Variants in HELZ observed in about 807,000 individuals in gnomAD.
The protein encoded by HELZ is ATP-dependent RNA helicase with zinc finger domain.
HELZ carries 23 observed loss-of-function variants against 218.2 expected under a neutral mutation model. The observed-to-expected ratio is 0.11, with a 90% CI of 0.08 to 0.15. The LOEUF is 0.15. HELZ is among the 10% of genes least tolerant of loss of function. The probability of loss-of-function intolerance (pLI) is 1.00; values close to 1 mark genes in which losing one functional copy is unlikely to be tolerated. For missense variants in HELZ, 1,813 were observed against 2,353.7 expected (o/e 0.77, Z 4.75); for synonymous variants, 814 against 829.4 (o/e 0.98, Z 0.32).
In HELZ at chr17:67,195,852, C is replaced by CTTT. The variant is rs1238942016; in HGVS notation, c.430-385_430-383dup. Among the ~76,000 whole-genome samples the CTTT allele has an allele frequency of 4.8e-3, 404 of 84,850 alleles. 4 individuals carry two copies. Among genetic ancestry groups the CTTT allele is most frequent in the Non-Finnish European group, 8.4e-3 (359 of 42,706 alleles). The allele number at this position is 84,850 out of a possible 152,430, so 55.7% of individuals were successfully genotyped here. The stretch of plus-strand genomic sequence containing the variant: ...GGTTTCTTTTCCTTTTTTTTTTTTT[C>CTTT]TTTTTTTTTTTTTTTTTGGGACAAA... On this transcript the variant is annotated intron_variant, in intron 7 of 32. Transcript: ENST00000358691.
chr17:67,206,598 C>CTTT (rs60076524), intron 5 of HELZ, among the ~76,000 whole-genome samples: 3 of 137,832 alleles, frequency 2.2e-5, no homozygotes, highest in African/African-American at 2.7e-5. Context: ...CATATTAGGA[C>CTTT]TTTTTTTTTT....
At chr17:67,119,610 T>C (rs1314878293) in intron 27 of HELZ, among the ~76,000 whole-genome samples, 1 of 152,240 alleles carries the variant, frequency 6.6e-6, no homozygotes, top group Non-Finnish European at 1.5e-5. Flanking sequence ...TGAATTTTAC[T>C]GTATATAACT....
At chr17:67,204,324 T>C (rs1483182662) in intron 5 of HELZ, among the ~76,000 whole-genome samples, 1 of 152,182 alleles carries the variant, frequency 6.6e-6, no homozygotes, top group African/African-American at 2.4e-5. Context: ...ACTAATAAAA[T>C]TCTACATAAG....
chr17:67,084,635 C>T (rs984627742), intron 32 of HELZ, among the ~76,000 whole-genome samples: 4 of 145,012 alleles, frequency 2.8e-5, no homozygotes, highest in Non-Finnish European at 6.0e-5. Context: ...TGCACTCCAG[C>T]CTGGGCGACA....
rs2039372369 is a variant in HELZ, at chr17:67,173,630, A to C, written c.1430+5029T>G. Among the ~76,000 whole-genome samples, 4 of 152,258 alleles carry C rather than the reference A, an allele frequency of 2.6e-5. 1 individual carries two copies. The South Asian group carries it at 8.3e-4, about 31-fold the overall frequency. ...ACAATAAAAATCTAACAAAGTAATA[A>C]AACAATCCCTGAGTTTACTAAAGCA... On this transcript the variant is annotated intron_variant, in intron 13 of 32. Coordinates refer to ENST00000358691, the MANE Select transcript of HELZ (RefSeq NM_014877.4).
chr17:67,178,696 A>G lies in HELZ; in HGVS notation c.1393T>C (p.Tyr465His), dbSNP rs1254619242. 6.2e-7 allele frequency: 1 copy of G among 1,613,830 alleles called. No homozygotes were observed. Among genetic ancestry groups the G allele is most frequent in the Middle Eastern group, 1.7e-4 (1 of 6,060 alleles). ...NYQSRLHDLL[Y>H]IEEIAQYKEI... ...TTATACTGGGCTATCTCCTCAATAT[A>G]AAGAAGGTCATGTAACCGTGACTGA... The change falls in exon 13 of 33, where the codon TAT (tyrosine) becomes CAT (histidine). Residue 465 changes from tyrosine (Y) to histidine (H), a missense_variant. Physicochemically the swap from Tyr to His is moderately conservative, Grantham distance 83. Around this residue, in one of 4 missense-constraint regions of HELZ, gnomAD observed 714 missense variants for 1,029.2 expected, o/e 0.69. Transcript: ENST00000358691.
intron 2 of HELZ, among the ~76,000 whole-genome samples, chr17:67,242,366 C>T (rs776272377): frequency 2.7e-5 from 4 of 148,676 alleles, no homozygotes; most frequent in Non-Finnish European, 4.4e-5. Context: ...GAGCTGAGAT[C>T]GCGTCATTGC....
chr17:67,140,089 A>G (rs967807096), intron 21 of HELZ, among the ~76,000 whole-genome samples: 9 of 152,222 alleles, frequency 5.9e-5, no homozygotes, highest in Non-Finnish European at 1.5e-5. Context: ...GGGTAGATTC[A>G]GCAGCCAATG....
rs576614894 is a variant in HELZ, at chr17:67,107,475, G to C, written c.4935C>G (p.Ser1645Arg). ...NDNSRDIEVA[S>R]NPAFPQRLPP... ...GGAGGCGCTGTGGAAATGCTGGGTT[G>C]CTGGCTACTTCAATGTCTCTGCTGT... is the stretch of plus-strand genomic sequence containing the variant. Residue 1645 changes from serine to arginine, a missense_variant, in exon 31 of 33, where the codon AGC becomes AGG. This residue lies in a region of HELZ where 938 missense variants were observed against 1,027.5 expected (regional missense o/e 0.91). Transcript: ENST00000358691. 6.2e-7 allele frequency: 1 copy of C among 1,614,208 alleles called. No individual in the cohort carries two copies. Among genetic ancestry groups the C allele is most frequent in the South Asian group, 1.1e-5 (1 of 91,082 alleles).
intron 2 of HELZ, 137 bp from the exon 3 acceptor site, chr17:67,239,626 T>C (rs2041270888): frequency 6.6e-6 from 1 of 152,236 alleles, no homozygotes; most frequent in Admixed American, 6.5e-5. Flanking sequence ...AAATGTAGCA[T>C]GACCAGCACT....
intron 20 of HELZ, among the ~76,000 whole-genome samples, chr17:67,146,803 A>G (rs543236900): frequency 6.6e-6 from 1 of 152,346 alleles, no homozygotes; most frequent in East Asian, 1.9e-4. Flanking sequence ...GACATAATCA[A>G]TATTATTAAA....
At chr17:67,226,808 A>C (rs2040905570) in intron 3 of HELZ, among the ~76,000 whole-genome samples, 1 of 152,234 alleles carries the variant, frequency 6.6e-6, no homozygotes, top group African/African-American at 2.4e-5. Context: ...AGCAACAAAA[A>C]GGAACAAGTA....
intron 32 of HELZ, 52 bp downstream of exon 32, chr17:67,086,777 T>C: frequency 1.3e-6 from 2 of 1,590,498 alleles, no homozygotes; most frequent in Admixed American, 3.4e-5. Flanking sequence ...ACTCCACAGA[T>C]ATCCGGGAGC....
chr17:67,086,312 G>A (rs1409122558), intron 32 of HELZ, among the ~76,000 whole-genome samples: 3 of 152,004 alleles, frequency 2.0e-5, no homozygotes, highest in Non-Finnish European at 4.4e-5. Flanking sequence ...AACTGGCCAG[G>A]TGCGGTGGCT....
intron 5 of HELZ, among the ~76,000 whole-genome samples, chr17:67,214,679 A>G (rs1166566677): frequency 6.6e-6 from 1 of 152,158 alleles, no homozygotes; most frequent in African/African-American, 2.4e-5. Context: ...AAAACACTGT[A>G]TTATTCAAAC....
chr17:67,094,620 G>A (rs2036686408), intron 31 of HELZ, among the ~76,000 whole-genome samples: 1 of 152,066 alleles, frequency 6.6e-6, no homozygotes, highest in Admixed American at 6.5e-5. Flanking sequence ...AGCATTGTAT[G>A]TTTAAAAAAA....
chr17:67,140,522 G>A lies in HELZ; in HGVS notation c.2770-2408C>T, dbSNP rs547129224. Among the ~76,000 whole-genome samples, 10 of 152,230 alleles carry A rather than the reference G, an allele frequency of 6.6e-5. No homozygotes were observed. The South Asian group carries it at 1.7e-3, about 25-fold the overall frequency. Reference sequence around the variant, plus strand: ...ATCAGCAAACGTGAAGATACATAGCGGTTATGCAATCTGAAGAACAGAGAG... The same window carrying A: ...ATCAGCAAACGTGAAGATACATAGCAGTTATGCAATCTGAAGAACAGAGAG... On this transcript the variant is annotated intron_variant, in intron 21 of 32. Transcript: ENST00000358691.
intron 4 of HELZ, among the ~76,000 whole-genome samples, chr17:67,217,648 C>CT (rs1163647999): frequency 6.6e-6 from 1 of 152,176 alleles, no homozygotes; most frequent in Non-Finnish European, 1.5e-5. Flanking sequence ...TCTGGCCACA[C>CT]TAACTCCTAG....
intron 7 of HELZ, among the ~76,000 whole-genome samples, chr17:67,197,416 C>T (rs2040059479): frequency 6.6e-6 from 1 of 152,156 alleles, no homozygotes; most frequent in Non-Finnish European, 1.5e-5. Context: ...ACTTAGCTAT[C>T]CCTATCCTTT....
Sources: allele counts gnomAD v4.1 joint callset (sites outside exome capture counted in the v4.1 genomes callset), GRCh38; gene constraint gnomAD v4.1.1; regional missense constraint gnomAD v4.1.1; transcripts MANE v1.5; gene names NCBI Gene and HGNC (gene_info 2026-07-23, HGNC 2026-07-21).